Variants in PPP2R5A observed in about 807,000 individuals in gnomAD.
PPP2R5A encodes the protein protein phosphatase 2 regulatory subunit B'alpha.
Under a neutral mutation model 64.2 loss-of-function variants are expected in PPP2R5A, and 25 were observed. The observed-to-expected ratio is 0.39, with a 90% CI of 0.28 to 0.54. The LOEUF (loss-of-function observed/expected upper bound fraction) is 0.54, where lower values mean the gene tolerates loss of function less well. PPP2R5A is among the 20% of genes least tolerant of loss of function. The pLI is 0.67. For missense variants in PPP2R5A, 425 were observed against 576.3 expected (o/e 0.74, Z 2.69); for synonymous variants, 198 against 201.2 (o/e 0.98, Z 0.13).
At chr1:212,336,071 A>G (rs1180697701) in intron 3 of PPP2R5A, among the ~76,000 whole-genome samples, 1 of 152,110 alleles carries the variant, frequency 6.6e-6, no homozygotes, top group Non-Finnish European at 1.5e-5. Flanking sequence ...TTAACATTTT[A>G]GGAGGTGGTA....
In PPP2R5A at chr1:212,360,913, G is replaced by A. The variant is rs1660069772; in HGVS notation, c.*143G>A. The stretch of plus-strand genomic sequence containing the variant: ...GCAACTGTAAATGGAAAAATATATG[G>A]ACTAAACGTAGCCCTGTGCTGTATC... On this transcript the variant is annotated 3_prime_UTR_variant, in exon 13 of 13. Coordinates refer to ENST00000261461, the MANE Select transcript of PPP2R5A (RefSeq NM_006243.4). 1.5e-6 allele frequency: 1 copy of A among 679,452 alleles called. No homozygotes were observed. Among genetic ancestry groups the A allele is most frequent in the Admixed American group, 4.1e-5 (1 of 24,618 alleles). 42.1% of individuals were successfully genotyped at this position (679,452 alleles called of 1,614,324 possible).
At chr1:212,355,602 A>G (rs1659963973) in intron 8 of PPP2R5A, among the ~76,000 whole-genome samples, 1 of 151,864 alleles carries the variant, frequency 6.6e-6, no homozygotes, top group Admixed American at 6.6e-5. Context: ...AGCTTACTAA[A>G]TTTTTTTATC....
rs552246229 is a variant in PPP2R5A, at chr1:212,352,184, C to G, written c.927+2942C>G. Among the ~76,000 whole-genome samples the G allele has an allele frequency of 2.0e-5, 3 of 151,180 alleles. No individual in the cohort carries two copies. In the East Asian group the frequency reaches 5.8e-4, roughly 29 times the overall value. On this transcript the variant is annotated intron_variant, in intron 8 of 12. Coordinates refer to ENST00000261461, the MANE Select transcript of PPP2R5A (RefSeq NM_006243.4). The stretch of plus-strand genomic sequence containing the variant: ...GATAACAGGCGCCCGATACCACGCC[C>G]GGCTAGGTTTTTTTTTGTATTTTTA...
chr1:212,291,349 T>C (rs537082857), intron 1 of PPP2R5A, among the ~76,000 whole-genome samples: 64 of 152,322 alleles, frequency 4.2e-4, no homozygotes, highest in African/African-American at 1.5e-3. Flanking sequence ...CCCAAAGTTA[T>C]GGGATTACAG....
Position 212,333,565 on chromosome 1 carries a change from A to G in PPP2R5A, c.447A>G (p.Glu149=). The G allele has an allele frequency of 1.9e-6, 3 of 1,597,368 alleles. No individual in the cohort carries two copies. The highest frequency in any genetic ancestry group is 2.2e-5 in the South Asian group (2 of 89,330). ...CAGATTTTGATCCAGAAGAGGATGA[A>G]CCCACGCTTGAGGCCTCTTGGCCTC... ...DNPDFDPEED[E]PTLEASWPHI... Residue 149 remains glutamate (E), a synonymous_variant, in exon 3 of 13, where the codon GAA becomes GAG. Transcript: ENST00000261461.
chr1:212,296,716 A>C (rs1658697875), intron 1 of PPP2R5A, among the ~76,000 whole-genome samples: 1 of 152,248 alleles, frequency 6.6e-6, no homozygotes, highest in African/African-American at 2.4e-5. Context: ...TTAGATAGTC[A>C]ATGCTGTTTT....
chr1:212,357,192 A>G lies in PPP2R5A; in HGVS notation c.1134A>G (p.Glu378=), dbSNP rs1201360164. The G allele has an allele frequency of 8.8e-6, 14 of 1,591,218 alleles. No homozygotes were observed. Among genetic ancestry groups the G allele is most frequent in the Non-Finnish European group, 1.1e-5 (13 of 1,172,176 alleles). The part of the protein sequence containing the change: ...AERALYFWNN[E]YILSLIEENI... ...GGGCATTGTACTTCTGGAATAACGA[A>G]TATATTCTTAGTTTGATTGAGGAGA... Residue 378 remains glutamate (E), a synonymous_variant, in exon 11 of 13, where the codon GAA becomes GAG. Coordinates refer to ENST00000261461, the MANE Select transcript of PPP2R5A (RefSeq NM_006243.4).
At position 212,346,070 on chromosome 1, in the gene PPP2R5A, T is replaced by C; in HGVS notation, c.704+137T>C. 6 of 786,512 alleles carry C rather than the reference T, an allele frequency of 7.6e-6. No homozygotes were observed. The South Asian group carries it at 1.3e-4, about 17-fold the overall frequency. 48.7% of individuals were successfully genotyped at this position (786,512 alleles called of 1,614,324 possible). A position where few individuals can be genotyped will look rare whatever the true frequency, so the allele number is the denominator to read the frequency against. On this transcript the variant is annotated intron_variant, in intron 5 of 12. Coordinates refer to ENST00000261461, the MANE Select transcript of PPP2R5A (RefSeq NM_006243.4). ...AGGCTGGAGTGCAGTGGTGAGAACA[T>C]AGCTCATTGTAGCCCCCATCTCCCA...
rs17042034 is a variant in PPP2R5A, at chr1:212,285,673, G to T, written c.-438G>T. The T allele has an allele frequency of 0.3, 46,624 of 154,988 alleles. 7,559 individuals carry two copies. Among genetic ancestry groups the T allele is most frequent in the Non-Finnish European group, 0.37 (26,051 of 69,980 alleles). The allele number at this position is 154,988 out of a possible 1,614,324, so 9.6% of individuals were successfully genotyped here. ...CTGAGAGGAGGCTCCAGGCAGGGCG[G>T]GCTGCGCTGGCAGCGGCCGCTGAGG... On this transcript the variant is annotated 5_prime_UTR_variant, in exon 1 of 13. Transcript: ENST00000261461.
chr1:212,347,474 C>A, intron 6 of PPP2R5A, 68 bp downstream of exon 6: 1 of 1,194,728 alleles, frequency 8.4e-7, no homozygotes, highest in Non-Finnish European at 1.2e-6. Flanking sequence ...AAAATCTTAG[C>A]TGGGGTTGGA....
chr1:212,357,153 T>G lies in PPP2R5A; in HGVS notation c.1099-4T>G. The G allele has an allele frequency of 4.4e-6, 7 of 1,582,122 alleles. No individual in the cohort carries two copies. The highest frequency in any genetic ancestry group is 6.0e-6 in the Non-Finnish European group (7 of 1,166,824). On this transcript the variant is annotated splice_polypyrimidine_tract_variant and splice_region_variant and intron_variant, in intron 10 of 12. Coordinates refer to ENST00000261461, the MANE Select transcript of PPP2R5A (RefSeq NM_006243.4). The stretch of plus-strand genomic sequence containing the variant: ...TTGACATTTCTCTAAATGTCTTTTT[T>G]TAGGTTGCAGAAAGGGCATTGTACT...
intron 1 of PPP2R5A, among the ~76,000 whole-genome samples, chr1:212,304,206 T>C (rs1658852050): frequency 6.6e-6 from 1 of 152,208 alleles, no homozygotes; most frequent in Non-Finnish European, 1.5e-5. Context: ...AAGAATCACT[T>C]AATTTCCAAA....
At chr1:212,329,477 A>G in intron 2 of PPP2R5A, 146 bp downstream of exon 2, 3 of 693,124 alleles carry the variant, frequency 4.3e-6, no homozygotes, top group South Asian at 2.3e-5. Flanking sequence ...ATCCATTCCA[A>G]TGATACCATC....
At chr1:212,320,946 C>T (rs1659271457) in intron 1 of PPP2R5A, among the ~76,000 whole-genome samples, 1 of 109,484 alleles carries the variant, frequency 9.1e-6, no homozygotes, top group Non-Finnish European at 2.0e-5. Context: ...GGGCTGACCC[C>T]CCCGCCTCCC....
chr1:212,351,440 T>C (rs1366085328), intron 8 of PPP2R5A, among the ~76,000 whole-genome samples: 1 of 151,774 alleles, frequency 6.6e-6, no homozygotes, highest in Admixed American at 6.6e-5. Flanking sequence ...CTTTTGTTAG[T>C]TTATTACTCA....
chr1:212,307,516 A>G (rs1267760835), intron 1 of PPP2R5A, among the ~76,000 whole-genome samples: 1 of 151,054 alleles, frequency 6.6e-6, no homozygotes, highest in Non-Finnish European at 1.5e-5. Flanking sequence ...CTTTCCTCCC[A>G]CCTCCTCCTT....
intron 1 of PPP2R5A, among the ~76,000 whole-genome samples, chr1:212,317,596 A>T (rs961417318): frequency 6.6e-6 from 1 of 150,918 alleles, no homozygotes; most frequent in South Asian, 2.1e-4. Context: ...TTTTTTTTTT[A>T]AACTCTTGAT....
At position 212,348,411 on chromosome 1, in the gene PPP2R5A, C is replaced by A; in HGVS notation, c.787C>A (p.Pro263Thr). Residue 263 changes from proline (P) to threonine (T), a missense_variant, in exon 7 of 13, where the codon CCA (proline) becomes ACA (threonine). Pro to Thr is a conservative substitution (Grantham distance 38, BLOSUM62 -1). Transcript: ENST00000261461. ...LGSIINGFAL[P>T]LKAEHKQFLM... ...CAGTATTATCAATGGCTTTGCATTG[C>A]CACTGAAAGCAGAACATAAACAATT... 6.2e-7 allele frequency: 1 copy of A among 1,608,456 alleles called. No homozygotes were observed. The highest frequency in any genetic ancestry group is 8.5e-7 in the Non-Finnish European group (1 of 1,175,774).
intron 1 of PPP2R5A, among the ~76,000 whole-genome samples, chr1:212,292,388 A>G (rs912477222): frequency 6.6e-6 from 1 of 152,146 alleles, no homozygotes; most frequent in Non-Finnish European, 1.5e-5. Context: ...TGTTTTTTCA[A>G]ATCCTGTTAT....
Sources: gnomAD v4.1 joint callset for allele counts (sites outside exome capture counted in the v4.1 genomes callset) on GRCh38, gnomAD v4.1.1 for gene constraint, MANE v1.5 for transcripts, NCBI Gene and HGNC (gene_info 2026-07-23, HGNC 2026-07-21) for gene names.